Variants in SIK3 observed in about 807,000 individuals in gnomAD.
SIK3 encodes the protein serine/threonine-protein kinase SIK3.
SIK3 carries 28 observed loss-of-function variants against 144.2 expected under a neutral mutation model. The observed-to-expected ratio is 0.19, with a 90% CI of 0.14 to 0.27. The LOEUF is 0.27. Ranked by LOEUF, SIK3 falls within the 10% of genes least tolerant of loss-of-function variation. The pLI is 1.00. For synonymous variants in SIK3, 686 were observed against 676.3 expected (o/e 1.01, Z -0.22); for missense variants, 1,319 against 1,776.0 (o/e 0.74, Z 4.62).
Position 116,849,783 on chromosome 11 carries a change from C to A in SIK3, c.3656-500G>T, listed in dbSNP as rs922996842. Among the ~76,000 whole-genome samples the A allele has an allele frequency of 3.3e-5, 5 of 152,262 alleles. No homozygotes were observed. Among genetic ancestry groups the A allele is most frequent in the Non-Finnish European group, 7.4e-5 (5 of 68,020 alleles). ...CCCCTCCACCCTTTCTAAGCAAGTA[C>A]TCTCCACATTTTTGTCCTTGACCTT... is the stretch of plus-strand genomic sequence containing the variant. On this transcript the variant is annotated intron_variant, in intron 21 of 24. Coordinates refer to ENST00000445177, the MANE Select transcript of SIK3 (RefSeq NM_001366686.3). The surrounding 1 kb of genome is among the most constrained non-coding windows in gnomAD (Gnocchi z 4.2).
chr11:116,942,469 T>TA lies in SIK3; in HGVS notation c.454+11574dup, dbSNP rs1190917843. Among the ~76,000 whole-genome samples the TA allele has an allele frequency of 5.9e-5, 9 of 151,924 alleles. No individual in the cohort carries two copies. In the East Asian group the frequency reaches 1.7e-3, roughly 29 times the overall value. On this transcript the variant is annotated intron_variant, in intron 3 of 24. Transcript: ENST00000445177. ...CGTAAATTTTATTGACTCAAGACAG[T>TA]AAAAAAACAAATAAATATATGTCAG...
At chr11:117,070,752 C>CTTTTTT (rs368884148) in intron 1 of SIK3, among the ~76,000 whole-genome samples, 1 of 128,148 alleles carries the variant, frequency 7.8e-6, no homozygotes, top group Non-Finnish European at 1.6e-5. Flanking sequence ...GGCCCTTTTT[C>CTTTTTT]TTTTTTTTTT....
chr11:116,849,462 C>T lies in SIK3; in HGVS notation c.3656-179G>A, dbSNP rs1237008930. On this transcript the variant is annotated intron_variant, in intron 21 of 24. Transcript: ENST00000445177. This position sits in a 1 kb window ranked among gnomAD's most constrained non-coding sequence, Gnocchi z 4.2. ...GAGCCTGGACCAGCCCTCCAAAAGA[C>T]GAGCTGTAGGGGAGGGGACCACACC... Among the ~76,000 whole-genome samples, 5 of 152,172 alleles carry T rather than the reference C, an allele frequency of 3.3e-5. No homozygotes were observed. The highest frequency in any genetic ancestry group is 2.0e-4 in the Admixed American group (3 of 15,278).
At chr11:117,027,450 C>CTGTTTGTT (rs749427910) in intron 1 of SIK3, among the ~76,000 whole-genome samples, 1 of 148,186 alleles carries the variant, frequency 6.7e-6, no homozygotes, top group Non-Finnish European at 1.5e-5. Flanking sequence ...TTTTTTATAT[C>CTGTTTGTT]TGTTTGTTTG....
In SIK3 at chr11:117,054,412, G is replaced by A. The variant is rs570876678; in HGVS notation, c.273+43731C>T. Among the ~76,000 whole-genome samples, 5 of 152,330 alleles carry A rather than the reference G, an allele frequency of 3.3e-5. No homozygotes were observed. The East Asian group carries it at 9.6e-4, about 29-fold the overall frequency. ...AAGAGGGGAGGCTCTAAAGATGACT[G>A]TGGTGTAGTGGGCCTTGGAGGCTTT... On this transcript the variant is annotated intron_variant, in intron 1 of 24. Coordinates refer to ENST00000445177, the MANE Select transcript of SIK3 (RefSeq NM_001366686.3).
chr11:117,077,120 T>G (rs993992448), intron 1 of SIK3, among the ~76,000 whole-genome samples: 1 of 152,190 alleles, frequency 6.6e-6, no homozygotes, highest in African/African-American at 2.4e-5. Flanking sequence ...CACACCACAC[T>G]GCACTCTGGC....
chr11:116,917,768 GAA>G (rs1268196502), intron 4 of SIK3, among the ~76,000 whole-genome samples: 5 of 144,358 alleles, frequency 3.5e-5, no homozygotes, highest in Admixed American at 7.3e-5. Context: ...GAGCGAGAGA[GAA>G]AGAACGAAAG....
Position 116,868,019 on chromosome 11 carries a change from G to A in SIK3, c.1879C>T (p.Leu627=). The A allele has an allele frequency of 6.4e-7, 1 of 1,550,646 alleles. No homozygotes were observed. The highest frequency in any genetic ancestry group is 8.7e-7 in the Non-Finnish European group (1 of 1,146,996). The part of the protein sequence containing the change: ...TNPTAEIPPD[L]QRQLGQQPFR... ...GGCTGCTGTCCTAGCTGCCGTTGTA[G>A]GTCCGGTGGGATCTCAGCTGTAGGG... Residue 627 remains leucine (L), a synonymous_variant, in exon 15 of 25, where the codon CTA becomes TTA. Coordinates refer to ENST00000445177, the MANE Select transcript of SIK3 (RefSeq NM_001366686.3).
chr11:117,023,426 T>C (rs949193733), intron 1 of SIK3, among the ~76,000 whole-genome samples: 2 of 151,108 alleles, frequency 1.3e-5, no homozygotes, highest in Non-Finnish European at 2.9e-5. Context: ...TTTTTTTTTT[T>C]TTTTTAGACA....
At chr11:117,088,147 G>A (rs994954545) in intron 1 of SIK3, among the ~76,000 whole-genome samples, 2 of 152,162 alleles carry the variant, frequency 1.3e-5, no homozygotes, top group South Asian at 4.1e-4. Flanking sequence ...TGAAGTAGAA[G>A]GATGACTTGA....
intron 22 of SIK3, among the ~76,000 whole-genome samples, chr11:116,847,977 G>C (rs920547081): frequency 6.6e-6 from 1 of 152,206 alleles, no homozygotes; most frequent in African/African-American, 2.4e-5. Context: ...TCTCTGTCCT[G>C]TCCAATATGG....
At chr11:117,081,020 T>C (rs1011826813) in intron 1 of SIK3, among the ~76,000 whole-genome samples, 1 of 152,042 alleles carries the variant, frequency 6.6e-6, no homozygotes, top group African/African-American at 2.4e-5. Flanking sequence ...AGTATATCCA[T>C]AAAATAGAAT....
At chr11:117,001,938 C>T (rs943256742) in intron 1 of SIK3, among the ~76,000 whole-genome samples, 1 of 152,224 alleles carries the variant, frequency 6.6e-6, no homozygotes, top group African/African-American at 2.4e-5. Flanking sequence ...CCATTATCTG[C>T]AGAAACAAAT....
chr11:116,865,155 G>C (rs535026469), intron 15 of SIK3: 1 of 151,312 alleles, frequency 6.6e-6, no homozygotes, highest in African/African-American at 2.4e-5. Context: ...TTCTACTTCA[G>C]GTTGAAGTAG....
chr11:116,994,045 T>TA (rs1264589442), intron 1 of SIK3, among the ~76,000 whole-genome samples: 1 of 152,206 alleles, frequency 6.6e-6, no homozygotes, highest in Non-Finnish European at 1.5e-5. Context: ...AGTATAAATA[T>TA]AAAAAACCAT....
At chr11:116,883,646 C>T (rs978748894) in intron 6 of SIK3, among the ~76,000 whole-genome samples, 12 of 152,130 alleles carry the variant, frequency 7.9e-5, no homozygotes, top group African/African-American at 2.4e-4. Context: ...CAAAATAAGA[C>T]ATTTGGGCCC....
In SIK3 at chr11:117,040,550, C is replaced by G. The variant is rs537754009; in HGVS notation, c.273+57593G>C. On this transcript the variant is annotated intron_variant, in intron 1 of 24. Coordinates refer to ENST00000445177, the MANE Select transcript of SIK3 (RefSeq NM_001366686.3). Reference sequence around the variant, plus strand: ...TTAGTACATAAATGCTACAGATGTGCCAAGGAAGAGATTACTTCTAGCTAA... The same window carrying G: ...TTAGTACATAAATGCTACAGATGTGGCAAGGAAGAGATTACTTCTAGCTAA... Among the ~76,000 whole-genome samples, 3 of 152,164 alleles carry G rather than the reference C, an allele frequency of 2.0e-5. No individual in the cohort carries two copies. In the South Asian group the frequency reaches 6.2e-4, roughly 32 times the overall value.
At position 116,987,321 on chromosome 11, in the gene SIK3, TA is replaced by T. The variant is rs35342917; in HGVS notation, c.274-30258del. On this transcript the variant is annotated intron_variant, in intron 1 of 24. Transcript: ENST00000445177. ...TGTATTGTATGTCTTCATAAAAGAT[TA>T]AAAAAAAAAAAAAAAACACAGAGAG... is the stretch of plus-strand genomic sequence containing the variant. Among the ~76,000 whole-genome samples, 772 of 137,274 alleles carry T rather than the reference TA, an allele frequency of 5.6e-3. 8 individuals are homozygous for T. Among genetic ancestry groups the T allele is most frequent in the South Asian group, 0.034 (145 of 4,316 alleles). The allele number at this position is 137,274 out of a possible 152,430, so 90.1% of individuals were successfully genotyped here.
intron 1 of SIK3, among the ~76,000 whole-genome samples, chr11:116,975,474 T>C (rs189058826): frequency 1.6e-4 from 25 of 152,340 alleles, no homozygotes; most frequent in African/African-American, 4.3e-4. Context: ...CTGGTCCTTT[T>C]GTGACTTGTT....
Sources: gnomAD v4.1 joint callset for allele counts (sites outside exome capture counted in the v4.1 genomes callset) on GRCh38, gnomAD v4.1.1 for gene constraint, Gnocchi (gnomAD v3.1) non-coding constraint, MANE v1.5 for transcripts, NCBI Gene and HGNC (gene_info 2026-07-23, HGNC 2026-07-21) for gene names.